MPHOSPH8: variants seen among roughly 807,000 people sequenced by gnomAD.
MPHOSPH8 encodes the protein M-phase phosphoprotein, mpp.
In MPHOSPH8, 45 loss-of-function variants were observed where a neutral mutation model predicts 87.3. That is an observed-to-expected ratio of 0.52 (90% CI 0.41 to 0.66). The LOEUF (loss-of-function observed/expected upper bound fraction) is 0.66. Ranked by LOEUF, MPHOSPH8 falls within the 30% of genes least tolerant of loss-of-function variation. MPHOSPH8 has a pLI of 0.00. For missense variants in MPHOSPH8, 883 were observed against 1,020.2 expected, an observed-to-expected ratio of 0.87 and a Z score of 1.83; for synonymous variants, 366 against 376.9, an observed-to-expected ratio of 0.97 and a Z score of 0.33.
chr13:19,659,522 G>T (rs1014138780), intron 7 of MPHOSPH8: 1 of 455,004 alleles, frequency 2.2e-6, no homozygotes, highest in Non-Finnish European at 4.0e-6. Context: ...AAATTAGCTG[G>T]ACATGGTGGT....
intron 1 of MPHOSPH8, among the ~76,000 whole-genome samples, chr13:19,641,881 A>C: frequency 6.6e-6 from 1 of 152,036 alleles, no homozygotes; most frequent in East Asian, 1.9e-4. Context: ...CAGTCTGCCC[A>C]CCTTGACCTC....
In MPHOSPH8 at chr13:19,646,504, CAAAAG is replaced by C; in HGVS notation, c.434_438del (p.Lys145ArgfsTer21). ...TCTGATAGCGATCAGCAAAGTGAGA[CAAAAG>C]AAGATACTTCCCCAAAGAAGAAAAA... On this transcript the variant is annotated frameshift_variant, in exon 3 of 14. Transcript: ENST00000361479. LOFTEE classifies it high-confidence loss of function. 6.4e-7 allele frequency: 1 copy of C among 1,562,026 alleles called. No homozygotes were observed. The highest frequency in any genetic ancestry group is 8.6e-7 in the Non-Finnish European group (1 of 1,165,332).
intron 9 of MPHOSPH8, among the ~76,000 whole-genome samples, chr13:19,664,882 G>GT (rs1192503996): frequency 6.6e-6 from 1 of 152,138 alleles, no homozygotes; most frequent in Non-Finnish European, 1.5e-5. Flanking sequence ...GTAGCCATAG[G>GT]TTGAGAGTGG....
At position 19,666,579 on chromosome 13, in the gene MPHOSPH8, CG is replaced by C. The variant is rs2137541065; in HGVS notation, c.2174+1del. The C allele has an allele frequency of 6.4e-7, 1 of 1,571,860 alleles. No individual in the cohort carries two copies. Among genetic ancestry groups the C allele is most frequent in the Non-Finnish European group, 8.7e-7 (1 of 1,147,344 alleles). On this transcript the variant is annotated splice_donor_variant, in intron 10 of 13. Coordinates refer to ENST00000361479, the MANE Select transcript of MPHOSPH8 (RefSeq NM_017520.4). LOFTEE classifies it high-confidence loss of function. ...GACTTGCTGAAGAACCATTTAGAGA[CG>C]TAAGTGAGAAGCGACTGTGCCATAG...
At chr13:19,638,597 A>C (rs1388208143) in intron 1 of MPHOSPH8, among the ~76,000 whole-genome samples, 1 of 151,550 alleles carries the variant, frequency 6.6e-6, no homozygotes, top group Non-Finnish European at 1.5e-5. Flanking sequence ...TGACAGAGCA[A>C]GACTCTGTCT....
In MPHOSPH8 at chr13:19,673,087, G is replaced by A. The variant is rs889036614; in HGVS notation, c.*1212G>A. The A allele has an allele frequency of 1.5e-4, 8 of 52,582 alleles. No individual in the cohort carries two copies. The highest frequency in any genetic ancestry group is 1.1e-3 in the Admixed American group (4 of 3,546). The allele number at this position is 52,582 out of a possible 1,614,324, so 3.3% of individuals were successfully genotyped here. On this transcript the variant is annotated 3_prime_UTR_variant, in exon 14 of 14. Coordinates refer to ENST00000361479, the MANE Select transcript of MPHOSPH8 (RefSeq NM_017520.4). ...AAAAAAAGTTTCTTGGAACCTATAC[G>A]GTTTTTTTTTGTTTTTTTTTTTTGA...
At position 19,668,505 on chromosome 13, in the gene MPHOSPH8, A is replaced by G. The variant is rs768269869; in HGVS notation, c.2303A>G (p.Tyr768Cys). Residue 768 changes from tyrosine (Y) to cysteine (C), a missense_variant, in exon 11 of 14, where the codon TAC becomes TGC. Tyr to Cys is a radical substitution (Grantham distance 194). Coordinates refer to ENST00000361479, the MANE Select transcript of MPHOSPH8 (RefSeq NM_017520.4). ...CCAGATTTTTCAACAGATTTCAATTACAAACCCCCACAGAACATACCAGAA... is the reference window on the plus strand; with the variant it reads ...CCAGATTTTTCAACAGATTTCAATTGCAAACCCCCACAGAACATACCAGAA... ...EGPDFSTDFN[Y>C]KPPQNIPEGS... 6.2e-7 allele frequency: 1 copy of G among 1,614,152 alleles called. No homozygotes were observed. The highest frequency in any genetic ancestry group is 2.2e-5 in the East Asian group (1 of 44,888).
chr13:19,648,773 ACT>A (rs1377501776), intron 4 of MPHOSPH8, among the ~76,000 whole-genome samples: 6 of 152,032 alleles, frequency 3.9e-5, no homozygotes, highest in Non-Finnish European at 5.9e-5. Context: ...ATTATATGTA[ACT>A]CTGTGTCATT....
intron 5 of MPHOSPH8, among the ~76,000 whole-genome samples, chr13:19,656,150 A>G (rs1875152624): frequency 6.6e-6 from 1 of 152,012 alleles, no homozygotes; most frequent in Non-Finnish European, 1.5e-5. Context: ...AGGATGGCAC[A>G]TACCTGTAGT....
chr13:19,638,738 A>G (rs900054071), intron 1 of MPHOSPH8, among the ~76,000 whole-genome samples: 1 of 152,120 alleles, frequency 6.6e-6, no homozygotes, highest in Non-Finnish European at 1.5e-5. Context: ...TGTGGGTACA[A>G]TTGAAGGGTA....
intron 5 of MPHOSPH8, among the ~76,000 whole-genome samples, chr13:19,651,388 G>A (rs569673828): frequency 2.0e-5 from 3 of 152,178 alleles, no homozygotes; most frequent in South Asian, 2.1e-4. Flanking sequence ...TTAGCTGGGC[G>A]TGGCAGTGTG....
chr13:19,649,754 A>G (rs1292199846), intron 4 of MPHOSPH8, among the ~76,000 whole-genome samples: 2 of 152,218 alleles, frequency 1.3e-5, no homozygotes, highest in African/African-American at 4.8e-5. Flanking sequence ...GCAGGTGAGT[A>G]GTTCAGAACA....
Position 19,668,553 on chromosome 13 carries a change from C to A in MPHOSPH8, c.2329+22C>A, listed in dbSNP as rs530655327. The A allele has an allele frequency of 4.4e-6, 7 of 1,602,456 alleles. 1 individual carries two copies. In the South Asian group the frequency reaches 7.9e-5, roughly 18 times the overall value. On this transcript the variant is annotated intron_variant, in intron 11 of 13. Coordinates refer to ENST00000361479, the MANE Select transcript of MPHOSPH8 (RefSeq NM_017520.4). ...GAAGGTAAGCCGATGCCTCCCTTCA[C>A]ACTTTTCTATGTGAAGTGTGACACT...
chr13:19,637,822 C>T (rs1341374821), intron 1 of MPHOSPH8, among the ~76,000 whole-genome samples: 1 of 151,940 alleles, frequency 6.6e-6, no homozygotes, highest in Non-Finnish European at 1.5e-5. Context: ...TATATACAGG[C>T]CGGGCGCGGT....
chr13:19,635,031 CT>C (rs1394087369), intron 1 of MPHOSPH8, among the ~76,000 whole-genome samples: 1 of 152,170 alleles, frequency 6.6e-6, no homozygotes, highest in Non-Finnish European at 1.5e-5. Context: ...ATAGTGGAAA[CT>C]TTTCCTATGA....
At chr13:19,638,657 C>A (rs1276450397) in intron 1 of MPHOSPH8, among the ~76,000 whole-genome samples, 1 of 151,616 alleles carries the variant, frequency 6.6e-6, no homozygotes, top group Non-Finnish European at 1.5e-5. Flanking sequence ...TCTGATATTT[C>A]TTGAGTTCAG....
chr13:19,659,067 A>G lies in MPHOSPH8; in HGVS notation c.1649A>G (p.Lys550Arg). 6.2e-7 allele frequency: 1 copy of G among 1,614,218 alleles called. No individual in the cohort carries two copies. Among genetic ancestry groups the G allele is most frequent in the Non-Finnish European group, 8.5e-7 (1 of 1,180,034 alleles). ...LEWMKLEDFQ[K>R]HLDGKDENFA... ...TGGATGAAGTTGGAAGATTTCCAAA[A>G]GCACCTTGATGGGAAAGATGAGAAT... is the stretch of plus-strand genomic sequence containing the variant. The change falls in exon 6 of 14, where the codon AAG becomes AGG. Residue 550 changes from lysine (K) to arginine (R), a missense_variant. Lys to Arg is a conservative substitution (Grantham distance 26). Around this residue, in one of 3 missense-constraint regions of MPHOSPH8, gnomAD observed 741 missense variants for 841.5 expected, o/e 0.88. Coordinates refer to ENST00000361479, the MANE Select transcript of MPHOSPH8 (RefSeq NM_017520.4).
At chr13:19,669,823 G>A (rs185506736) in intron 11 of MPHOSPH8, among the ~76,000 whole-genome samples, 2 of 152,144 alleles carry the variant, frequency 1.3e-5, no homozygotes, top group Admixed American at 1.3e-4. Flanking sequence ...TTTTGGTTAT[G>A]TATTAATCAG....
chr13:19,671,646 T>C (rs1876134912), intron 13 of MPHOSPH8, among the ~76,000 whole-genome samples, 188 bp from the exon 14 acceptor site: 1 of 152,160 alleles, frequency 6.6e-6, no homozygotes, highest in South Asian at 2.1e-4. Context: ...AAAACAGTAA[T>C]ATAAAATTAT....
Sources: allele counts gnomAD v4.1 joint callset (sites outside exome capture counted in the v4.1 genomes callset), GRCh38; gene constraint gnomAD v4.1.1; regional missense constraint gnomAD v4.1.1; transcripts MANE v1.5; gene names NCBI Gene and HGNC (gene_info 2026-07-23, HGNC 2026-07-21).